The following RTL9 variants were observed in gnomAD, a reference collection of about 807,000 sequenced individuals.
RTL9 encodes the protein retrotransposon Gag like 9.
In RTL9, 19 loss-of-function variants were observed where a neutral mutation model predicts 44.7. The observed-to-expected ratio is 0.42, with a 90% CI of 0.30 to 0.62. The LOEUF is 0.62. Among genes scored for constraint, RTL9 ranks in the 20% least tolerant of loss-of-function variants. The pLI, the probability that RTL9 is intolerant of heterozygous loss-of-function variation, is 0.16. For synonymous variants in RTL9, 407 were observed against 398.9 expected (o/e 1.02, Z -0.24); for missense variants, 1,105 against 1,080.6 (o/e 1.02, Z -0.32).
intron 1 of RTL9, among the ~76,000 whole-genome samples, chrX:110,398,863 T>C: frequency 8.9e-6 from 1 of 112,486 alleles, no homozygotes. Context: ...TTCATTTCAT[T>C]TGCCGACTTT....
intron 1 of RTL9, among the ~76,000 whole-genome samples, chrX:110,384,991 T>C (rs2068445080): frequency 1.8e-5 from 2 of 110,856 alleles, no homozygotes; most frequent in African/African-American, 6.6e-5. Flanking sequence ...GAAGACACTT[T>C]GAAAGCCTAA....
rs1451225107 is a variant in RTL9, at chrX:110,378,895, C to T, written c.-168+19979C>T. On this transcript the variant is annotated intron_variant, in intron 1 of 2. Coordinates refer to the RTL9 transcript ENST00000520821. ...GCACAGCTTCTCCATGGAGAAGACA[C>T]TGAAATGGCACCTGCTGGACACCCG... Among the ~76,000 whole-genome samples the T allele has an allele frequency of 2.7e-5, 3 of 110,233 alleles. No individual in the cohort carries two copies. In the Admixed American group the frequency reaches 2.9e-4, roughly 11 times the overall value.
chrX:110,419,426 G>T (rs1233126038), intron 1 of RTL9, among the ~76,000 whole-genome samples: 1 of 112,400 alleles, frequency 8.9e-6, no homozygotes, highest in Non-Finnish European at 1.9e-5. Context: ...GATGCCTCCT[G>T]TTCCTCTCTT....
At chrX:110,435,040 G>A (rs1157367255) in intron 1 of RTL9, among the ~76,000 whole-genome samples, 3 of 97,956 alleles carry the variant, frequency 3.1e-5, no homozygotes, top group Non-Finnish European at 6.1e-5. Context: ...GGGACAGAGG[G>A]AGAAAGGGAG....
Position 110,451,579 on chromosome X carries a change from C to G in RTL9, c.962C>G (p.Ser321Cys), listed in dbSNP as rs2068941092. 3.3e-6 allele frequency: 4 copies of G among 1,211,728 alleles called. No homozygotes were observed. The East Asian group carries it at 1.2e-4, about 36-fold the overall frequency. Residue 321 changes from serine to cysteine, a missense_variant, in exon 1 of 2, where the codon TCC becomes TGC. Ser to Cys is a moderately radical substitution (Grantham distance 112). Transcript: ENST00000540313. Reference sequence around the variant, plus strand: ...TCATCTCCAGGCTCTGAAGTAATGTCCACACCGCTACTGTCAGTCCCAGAT... The same window carrying G: ...TCATCTCCAGGCTCTGAAGTAATGTGCACACCGCTACTGTCAGTCCCAGAT...
chrX:110,368,578 A>G (rs968556037), intron 1 of RTL9, among the ~76,000 whole-genome samples: 3 of 112,118 alleles, frequency 2.7e-5, no homozygotes, highest in Non-Finnish European at 1.9e-5. Context: ...TACTTTCTTT[A>G]TCATCTTATT....
chrX:110,445,540 G>A (rs2068903770), intron 2 of RTL9, among the ~76,000 whole-genome samples: 1 of 111,518 alleles, frequency 9.0e-6, no homozygotes, highest in Non-Finnish European at 1.9e-5. Flanking sequence ...ATCAAGGAAG[G>A]AAGAAGATCC....
chrX:110,435,361 C>T (rs2068830931), intron 1 of RTL9, among the ~76,000 whole-genome samples: 1 of 112,008 alleles, frequency 8.9e-6, no homozygotes, highest in Admixed American at 9.4e-5. Context: ...TACAGTGACC[C>T]CTGGAGCACT....
At chrX:110,411,241 A>G (rs756318197) in intron 1 of RTL9, among the ~76,000 whole-genome samples, 1 of 111,933 alleles carries the variant, frequency 8.9e-6, no homozygotes, top group African/African-American at 3.2e-5. Context: ...GTTTTGTATC[A>G]CTGGCATGGA....
chrX:110,379,203 T>C (rs1030505054), intron 1 of RTL9, among the ~76,000 whole-genome samples: 3 of 112,435 alleles, frequency 2.7e-5, no homozygotes, highest in African/African-American at 9.7e-5. Context: ...CCATTTCTAT[T>C]ATAGCTTTCA....
chrX:110,366,779 C>T (rs1463684812), intron 1 of RTL9, among the ~76,000 whole-genome samples: 3 of 112,000 alleles, frequency 2.7e-5, no homozygotes, highest in South Asian at 3.7e-4. Context: ...AGCTTATAAC[C>T]GTGCTAACCA....
chrX:110,391,010 G>A (rs772429760), intron 1 of RTL9, among the ~76,000 whole-genome samples: 1 of 111,782 alleles, frequency 8.9e-6, no homozygotes, highest in Non-Finnish European at 1.9e-5. Context: ...TTTACTCTGG[G>A]ATTGGGAATG....
chrX:110,447,668 C>T (rs1470982380), upstream of RTL9, among the ~76,000 whole-genome samples: 1 of 111,322 alleles, frequency 9.0e-6, no homozygotes, highest in African/African-American at 3.3e-5. Context: ...TCAGTGCCTA[C>T]CTTACAGGTG....
chrX:110,434,074 G>T (rs2068818497), intron 1 of RTL9, among the ~76,000 whole-genome samples: 1 of 111,615 alleles, frequency 9.0e-6, no homozygotes, highest in Admixed American at 9.5e-5. Context: ...AGCATCTTGA[G>T]GGATGGCAGG....
intron 1 of RTL9, among the ~76,000 whole-genome samples, chrX:110,433,392 C>T (rs911986449): frequency 5.4e-5 from 6 of 111,682 alleles, no homozygotes; most frequent in Non-Finnish European, 9.4e-5. Flanking sequence ...GACAATGACA[C>T]AGGAACCCCT....
chrX:110,454,696 G>T, intron 1 of RTL9, 32 bp downstream of exon 3: 1 of 1,121,283 alleles, frequency 8.9e-7, no homozygotes, highest in South Asian at 2.1e-5. Flanking sequence ...GAAGGTTTTT[G>T]AGCAGAGAAA....
intron 1 of RTL9, among the ~76,000 whole-genome samples, chrX:110,403,523 A>G (rs1211923168): frequency 9.0e-6 from 1 of 110,946 alleles, no homozygotes; most frequent in Admixed American, 9.5e-5. Context: ...CGTCCATGAT[A>G]CCAGGGCAGC....
intron 1 of RTL9, among the ~76,000 whole-genome samples, chrX:110,408,903 T>C (rs1312762988): frequency 8.9e-6 from 1 of 111,967 alleles, no homozygotes; most frequent in Non-Finnish European, 1.9e-5. Context: ...AACTTATGCG[T>C]GTAGGTAGGT....
rs140402199 is a variant in RTL9, at chrX:110,373,510, C to G, written c.-168+14594C>G. On this transcript the variant is annotated intron_variant, in intron 1 of 2. Transcript: ENST00000520821. ...CTTACGGAAGGGTTCTAACAGAAAA[C>G]AGTTCCTGCAGAAGATAAGCTCACA... Among the ~76,000 whole-genome samples, 153 of 111,950 alleles carry G rather than the reference C, an allele frequency of 1.4e-3. 1 individual carries two copies. Among genetic ancestry groups the G allele is most frequent in the African/African-American group, 4.7e-3 (145 of 30,809 alleles).
Sources: gnomAD v4.1 joint callset for allele counts (sites outside exome capture counted in the v4.1 genomes callset) on GRCh38, gnomAD v4.1.1 for gene constraint, MANE v1.5 for transcripts, NCBI Gene and HGNC (gene_info 2026-07-23, HGNC 2026-07-21) for gene names.